CELA1: variants seen among roughly 807,000 people sequenced by gnomAD.
The protein encoded by CELA1 is chymotrypsin-like elastase family member 1.
Under a neutral mutation model 34.8 loss-of-function variants are expected in CELA1, and 28 were observed. The observed-to-expected ratio is 0.80, with a 90% CI of 0.60 to 1.10. The LOEUF is 1.10. Among genes scored for constraint, CELA1 ranks in the 50% least tolerant of loss-of-function variants. CELA1 has a pLI of 0.00. For synonymous variants in CELA1, 140 were observed against 129.8 expected (o/e 1.08, Z -0.53); for missense variants, 288 against 327.5 (o/e 0.88, Z 0.93).
chr12:51,341,768 C>T (rs1565701926), intron 4 of CELA1, among the ~76,000 whole-genome samples: 1 of 152,040 alleles, frequency 6.6e-6, no homozygotes, highest in Non-Finnish European at 1.5e-5. Context: ...AACCCACCCC[C>T]ACCTGCACAT....
chr12:51,341,095 T>C (rs1292611806), intron 5 of CELA1, 149 bp downstream of exon 5: 11 of 716,418 alleles, frequency 1.5e-5, no homozygotes, highest in Non-Finnish European at 2.6e-5. Context: ...ATTCTTAGCT[T>C]GATATAATGC....
intron 7 of CELA1, 88 bp downstream of exon 7, chr12:51,329,596 C>A: frequency 7.3e-7 from 1 of 1,360,982 alleles, no homozygotes; most frequent in Non-Finnish European, 1.0e-6. Context: ...GACGGCTTGC[C>A]CAGTCCATCC....
In CELA1 at chr12:51,345,870, G is replaced by A. The variant is rs1323692750; in HGVS notation, c.24C>T (p.Ser8=). 2.6e-6 allele frequency: 4 copies of A among 1,557,516 alleles called. No homozygotes were observed. Among genetic ancestry groups the A allele is most frequent in the African/African-American group, 1.4e-5 (1 of 73,568 alleles). MLVLYGH[S]TQDLPETNAR... The stretch of plus-strand genomic sequence containing the variant: ...CATTGGTTTCCGGAAGGTCCTGGGT[G>A]CTGTGTCCTTTGTGGGGCAGAAGAA... The change falls in exon 2 of 8, where the codon AGC becomes AGT. Residue 8 remains serine (S), a synonymous_variant. Coordinates refer to ENST00000293636, the MANE Select transcript of CELA1 (RefSeq NM_001971.6).
chr12:51,346,385 C>A (rs2071453), intron 1 of CELA1, among the ~76,000 whole-genome samples: 8,943 of 152,160 alleles, frequency 0.059, 757 homozygotes, highest in East Asian at 0.3. Context: ...GGCCCAGGGA[C>A]CTGCCACCCA....
intron 6 of CELA1, among the ~76,000 whole-genome samples, chr12:51,332,014 T>C (rs1026562382): frequency 6.6e-6 from 1 of 151,750 alleles, no homozygotes; most frequent in Non-Finnish European, 1.5e-5. Flanking sequence ...GAGACCCCCA[T>C]CTCTATTAAA....
At chr12:51,329,270 A>AG (rs1314069492) in intron 7 of CELA1, among the ~76,000 whole-genome samples, 2 of 151,788 alleles carry the variant, frequency 1.3e-5, no homozygotes, top group East Asian at 3.9e-4. Flanking sequence ...AAAAAAAAAA[A>AG]AAAGTTAGAG....
intron 6 of CELA1, among the ~76,000 whole-genome samples, chr12:51,339,292 T>C (rs1946518548): frequency 1.3e-5 from 2 of 152,214 alleles, no homozygotes; most frequent in Admixed American, 1.3e-4. Context: ...GGCTCACGCC[T>C]GTAGTCCCAG....
intron 1 of CELA1, among the ~76,000 whole-genome samples, chr12:51,346,261 C>T (rs1343797487): frequency 6.9e-6 from 1 of 145,626 alleles, no homozygotes; most frequent in East Asian, 2.2e-4. Context: ...GGGTTCAGGG[C>T]CTGCAGTGCA....
At chr12:51,340,071 CT>C in intron 5 of CELA1, 66 bp from the exon 6 acceptor site, 5 of 1,436,626 alleles carry the variant, frequency 3.5e-6, no homozygotes, top group East Asian at 4.9e-5. Context: ...CCTTCCACCC[CT>C]GCCACACCTT....
At chr12:51,339,816 A>C in intron 6 of CELA1, 44 bp downstream of exon 6, 1 of 1,594,370 alleles carries the variant, frequency 6.3e-7, no homozygotes, top group Non-Finnish European at 8.6e-7. Flanking sequence ...AGGGATAGGC[A>C]GAGAGTGGCG....
At chr12:51,334,810 TG>T (rs1946491972) in intron 6 of CELA1, among the ~76,000 whole-genome samples, 1 of 152,176 alleles carries the variant, frequency 6.6e-6, no homozygotes, top group South Asian at 2.1e-4. Context: ...ACCTTGCAGT[TG>T]ATCTGCAATC....
intron 6 of CELA1, among the ~76,000 whole-genome samples, chr12:51,338,332 ATG>A (rs1946513499): frequency 6.6e-6 from 1 of 151,060 alleles, no homozygotes; most frequent in East Asian, 1.9e-4. Flanking sequence ...AGAAATCAAA[ATG>A]TAATAACTGT....
At chr12:51,337,014 A>G (rs988650033) in intron 6 of CELA1, among the ~76,000 whole-genome samples, 2 of 152,176 alleles carry the variant, frequency 1.3e-5, no homozygotes, top group East Asian at 1.9e-4. Flanking sequence ...TGGCTTCCCA[A>G]TGCCCAAGAG....
intron 1 of CELA1, among the ~76,000 whole-genome samples, chr12:51,346,342 C>T (rs1285452985): frequency 6.6e-6 from 1 of 152,112 alleles, no homozygotes; most frequent in Admixed American, 6.5e-5. Context: ...AGGGACCCAC[C>T]CCACTACCAG....
chr12:51,338,452 A>G (rs949160253), intron 6 of CELA1, among the ~76,000 whole-genome samples: 4 of 151,808 alleles, frequency 2.6e-5, no homozygotes, highest in African/African-American at 9.7e-5. Flanking sequence ...TTCTGTATGT[A>G]CTCTAGGTTG....
At chr12:51,343,481 G>A (rs1390870572) in intron 3 of CELA1, among the ~76,000 whole-genome samples, 1 of 152,230 alleles carries the variant, frequency 6.6e-6, no homozygotes, top group African/African-American at 2.4e-5. Flanking sequence ...CAAAGTAAAT[G>A]TTCTTAGCCC....
chr12:51,331,803 G>A (rs1946471353), intron 6 of CELA1, among the ~76,000 whole-genome samples: 2 of 152,174 alleles, frequency 1.3e-5, no homozygotes, highest in African/African-American at 4.8e-5. Flanking sequence ...TGGAGTGTGT[G>A]GGGTTGAATT....
At chr12:51,340,588 C>T (rs897226452) in intron 5 of CELA1, among the ~76,000 whole-genome samples, 3 of 151,970 alleles carry the variant, frequency 2.0e-5, no homozygotes, top group Admixed American at 2.0e-4. Context: ...GGGGTTTCTC[C>T]ATGTTGGTCA....
intron 6 of CELA1, among the ~76,000 whole-genome samples, chr12:51,339,270 G>T (rs2137480427): frequency 6.6e-6 from 1 of 152,152 alleles, no homozygotes; most frequent in South Asian, 2.1e-4. Flanking sequence ...AACAAATTTG[G>T]CTGGGCATGG....
Sources: gnomAD v4.1 joint callset for allele counts (sites outside exome capture counted in the v4.1 genomes callset) on GRCh38, gnomAD v4.1.1 for gene constraint, MANE v1.5 for transcripts, NCBI Gene and HGNC (gene_info 2026-07-23, HGNC 2026-07-21) for gene names.